SYNRG: variants seen among roughly 807,000 people sequenced by gnomAD.
SYNRG encodes AP1 gamma subunit binding protein 1.
SYNRG carries 37 observed loss-of-function variants against 130.9 expected under a neutral mutation model. That is an observed-to-expected ratio of 0.28 (90% CI 0.22 to 0.37). The LOEUF (loss-of-function observed/expected upper bound fraction) is 0.37. Ranked by LOEUF, SYNRG falls within the 10% of genes least tolerant of loss-of-function variation. SYNRG has a pLI of 1.00. For synonymous variants in SYNRG, 539 were observed against 568.1 expected, an observed-to-expected ratio of 0.95 and a Z score of 0.73; for missense variants, 1,338 against 1,588.9, an observed-to-expected ratio of 0.84 and a Z score of 2.68.
chr17:37,518,822 GTTC>G lies in SYNRG; in HGVS notation c.*115_*117del. On this transcript the variant is annotated 3_prime_UTR_variant, in exon 22 of 22. Transcript: ENST00000612223. ...TGACGGGGGCCCCGTCCCTTGCGGTGTTCTTCATATCGATTCAGGGAAGCGAAC... is the reference window on the plus strand; with the variant it reads ...TGACGGGGGCCCCGTCCCTTGCGGTGTTCATATCGATTCAGGGAAGCGAAC... 1 of 1,444,662 alleles carries G rather than the reference GTTC, an allele frequency of 6.9e-7. No homozygotes were observed. Among genetic ancestry groups the G allele is most frequent in the Non-Finnish European group, 9.3e-7 (1 of 1,075,194 alleles). The allele number at this position is 1,444,662 out of a possible 1,614,324, so 89.5% of individuals were successfully genotyped here.
rs923604371 is a variant in SYNRG, at chr17:37,516,659, A to G, written c.*2281T>C. 1 of 149,534 alleles carries G rather than the reference A, an allele frequency of 6.7e-6. No homozygotes were observed. The highest frequency in any genetic ancestry group is 1.5e-5 in the Non-Finnish European group (1 of 67,316). The allele number at this position is 149,534 out of a possible 1,614,324, so 9.3% of individuals were successfully genotyped here. A position where few individuals can be genotyped will look rare whatever the true frequency, so the allele number is the denominator to read the frequency against. ...TCAGCAATACAAATTCAAACTGGGA[A>G]ACTTTTTTTTTTTTTTTTTTAAGAG... On this transcript the variant is annotated 3_prime_UTR_variant, in exon 22 of 22. Coordinates refer to ENST00000612223, the MANE Select transcript of SYNRG (RefSeq NM_007247.6).
Position 37,583,850 on chromosome 17 carries a change from A to G in SYNRG, c.589+798T>C, listed in dbSNP as rs576275468. ...GCTGGGAATACAGGCATGCACAACCATGCCCAGCTTATTTTTGTATTTTTA... is the reference window on the plus strand; with the variant it reads ...GCTGGGAATACAGGCATGCACAACCGTGCCCAGCTTATTTTTGTATTTTTA... On this transcript the variant is annotated intron_variant, in intron 6 of 21. Transcript: ENST00000612223. 5.7e-4 allele frequency among the ~76,000 whole-genome samples: 87 copies of G among 152,180 alleles called. 1 individual carries two copies. The South Asian group carries it at 0.017, about 30-fold the overall frequency.
At chr17:37,543,706 T>C (rs1272636681) in intron 14 of SYNRG, among the ~76,000 whole-genome samples, 2 of 152,362 alleles carry the variant, frequency 1.3e-5, no homozygotes, top group East Asian at 3.9e-4. Flanking sequence ...AGTTAATTGC[T>C]GCTTTAGGGC....
rs2057494221 is a variant in SYNRG at position 37,539,174 on chromosome 17, CG to C, written c.3420+17del. 2 of 1,613,772 alleles carry C rather than the reference CG, an allele frequency of 1.2e-6. No individual in the cohort carries two copies. The highest frequency in any genetic ancestry group is 2.2e-5 in the East Asian group (1 of 44,876). Reference sequence around the variant, plus strand: ...AAGAGCACTCACATATGTGTGAACGCGTAAGTGACATACTCACATTCAGGGC... The same window carrying C: ...AAGAGCACTCACATATGTGTGAACGCTAAGTGACATACTCACATTCAGGGC... On this transcript the variant is annotated intron_variant, in intron 17 of 21. Coordinates refer to ENST00000612223, the MANE Select transcript of SYNRG (RefSeq NM_007247.6).
At chr17:37,602,671 G>C (rs1231770588) in intron 1 of SYNRG, among the ~76,000 whole-genome samples, 1 of 152,162 alleles carries the variant, frequency 6.6e-6, no homozygotes, top group African/African-American at 2.4e-5. Context: ...AAATTTAAGA[G>C]ACAAAATACA....
chr17:37,586,867 G>A (rs1432077840), intron 3 of SYNRG, among the ~76,000 whole-genome samples: 2 of 151,966 alleles, frequency 1.3e-5, no homozygotes, highest in Non-Finnish European at 2.9e-5. Flanking sequence ...ATATTCTTGT[G>A]AGCTCACTAA....
chr17:37,604,781 C>T, intron 1 of SYNRG, among the ~76,000 whole-genome samples: 1 of 152,110 alleles, frequency 6.6e-6, no homozygotes, highest in East Asian at 1.9e-4. Context: ...CTCTTCCTTT[C>T]ACTTGAACAC....
chr17:37,536,427 G>A, intron 18 of SYNRG: 1 of 369,994 alleles, frequency 2.7e-6, no homozygotes, highest in Non-Finnish European at 4.8e-6. Flanking sequence ...AAGTTGGGAT[G>A]GTAACAGTAG....
intron 14 of SYNRG, among the ~76,000 whole-genome samples, chr17:37,550,607 A>G (rs2145251405): frequency 6.6e-6 from 1 of 152,326 alleles, no homozygotes; most frequent in African/African-American, 2.4e-5. Flanking sequence ...CATGCAGATC[A>G]GTATTTGCAG....
intron 6 of SYNRG, among the ~76,000 whole-genome samples, chr17:37,582,924 A>G (rs1239419331): frequency 1.3e-5 from 2 of 152,226 alleles, no homozygotes; most frequent in East Asian, 3.9e-4. Context: ...TATAAAGAGA[A>G]ATTTAAAAGG....
chr17:37,568,494 G>T lies in SYNRG; in HGVS notation c.1481+297C>A, dbSNP rs150384242. The T allele has an allele frequency of 9.5e-3, 2,251 of 236,786 alleles. 23 individuals are homozygous for T. Among genetic ancestry groups the T allele is most frequent in the Middle Eastern group, 0.014 (10 of 724 alleles). 14.7% of individuals were successfully genotyped at this position (236,786 alleles called of 1,614,324 possible). A position where few individuals can be genotyped will look rare whatever the true frequency, so the allele number is the denominator to read the frequency against. ...CAGTTGAAGACCTTGCTGTAATATA[G>T]GAACACGAAGTCATCACTGCACAGG... is the stretch of plus-strand genomic sequence containing the variant. On this transcript the variant is annotated intron_variant, in intron 11 of 21. Coordinates refer to ENST00000612223, the MANE Select transcript of SYNRG (RefSeq NM_007247.6).
In SYNRG at chr17:37,518,625, T is replaced by C. The variant is rs992304123; in HGVS notation, c.*315A>G. The stretch of plus-strand genomic sequence containing the variant: ...CAACGGTAATCTATTTTTCTTCAAA[T>C]GTCAGTTCTTCACAGTTTCAATACT... On this transcript the variant is annotated 3_prime_UTR_variant, in exon 22 of 22. Coordinates refer to ENST00000612223, the MANE Select transcript of SYNRG (RefSeq NM_007247.6). 2 of 297,290 alleles carry C rather than the reference T, an allele frequency of 6.7e-6. No homozygotes were observed. Among genetic ancestry groups the C allele is most frequent in the South Asian group, 2.1e-4 (2 of 9,408 alleles). 18.4% of individuals were successfully genotyped at this position (297,290 alleles called of 1,614,324 possible).
At chr17:37,583,604 T>G (rs932591921) in intron 6 of SYNRG, among the ~76,000 whole-genome samples, 3 of 152,222 alleles carry the variant, frequency 2.0e-5, no homozygotes, top group African/African-American at 7.2e-5. Flanking sequence ...GATAGTACTT[T>G]CTTGGCTGGC....
Position 37,516,641 on chromosome 17 carries a change from T to A in SYNRG, c.*2299A>T, listed in dbSNP as rs2143327764. 6.6e-6 allele frequency: 1 copy of A among 151,262 alleles called. No individual in the cohort carries two copies. Among genetic ancestry groups the A allele is most frequent in the Admixed American group, 6.6e-5 (1 of 15,176 alleles). The allele number at this position is 151,262 out of a possible 1,614,324, so 9.4% of individuals were successfully genotyped here. A position where few individuals can be genotyped will look rare whatever the true frequency, so the allele number is the denominator to read the frequency against. On this transcript the variant is annotated 3_prime_UTR_variant, in exon 22 of 22. Coordinates refer to ENST00000612223, the MANE Select transcript of SYNRG (RefSeq NM_007247.6). The stretch of plus-strand genomic sequence containing the variant: ...GCATTTCAAAAAAATGCTTCAGCAA[T>A]ACAAATTCAAACTGGGAAACTTTTT...
rs10451316 is a variant in SYNRG at position 37,543,054 on chromosome 17, T to A, written c.2609-489A>T. On this transcript the variant is annotated intron_variant, in intron 14 of 21. Coordinates refer to ENST00000612223, the MANE Select transcript of SYNRG (RefSeq NM_007247.6). The stretch of plus-strand genomic sequence containing the variant: ...AAACTAAAATGAAAATAATGTCATC[T>A]AACTTTTAATCAATTATTAGGGTTT... 5.7e-3 allele frequency among the ~76,000 whole-genome samples: 869 copies of A among 152,338 alleles called. 8 individuals are homozygous for A. Among genetic ancestry groups the A allele is most frequent in the African/African-American group, 0.019 (802 of 41,576 alleles).
intron 14 of SYNRG, among the ~76,000 whole-genome samples, chr17:37,544,683 T>C (rs2058107146): frequency 6.6e-6 from 1 of 152,192 alleles, no homozygotes; most frequent in Non-Finnish European, 1.5e-5. Flanking sequence ...TGGTTTTTGC[T>C]GTAGTGATTT....
chr17:37,579,462 A>G, intron 6 of SYNRG: 1 of 1,299,024 alleles, frequency 7.7e-7, no homozygotes, highest in Non-Finnish European at 1.0e-6. Context: ...GCAATGAAAC[A>G]CACAAAAATG....
intron 15 of SYNRG, chr17:37,541,112 G>A (rs1284775723): frequency 1.0e-6 from 1 of 985,498 alleles, no homozygotes. Flanking sequence ...ATAATGCCCA[G>A]TGCAGAATCA....
chr17:37,588,258 CTTTTT>C (rs35767898), intron 3 of SYNRG, among the ~76,000 whole-genome samples: 6 of 103,202 alleles, frequency 5.8e-5, no homozygotes, highest in Admixed American at 1.0e-4. Context: ...ACTTTAAATT[CTTTTT>C]TTTTTTTTTT....
Sources: allele counts gnomAD v4.1 joint callset (sites outside exome capture counted in the v4.1 genomes callset), GRCh38; gene constraint gnomAD v4.1.1; transcripts MANE v1.5; gene names NCBI Gene and HGNC (gene_info 2026-07-23, HGNC 2026-07-21).